The following TBC1D32 variants were observed in gnomAD, a reference collection of about 807,000 sequenced individuals.
TBC1D32 encodes the protein TBC1 domain family member 32, also known as protein broad-minded.
A neutral mutation model predicts 170.3 loss-of-function variants in TBC1D32; 151 were observed. The observed-to-expected ratio is 0.89, with a 90% CI of 0.78 to 1.01. The LOEUF is 1.01. TBC1D32 is among the 50% of genes least tolerant of loss of function. The pLI, the probability that TBC1D32 is intolerant of heterozygous loss-of-function variation, is 0.00. For synonymous variants in TBC1D32, 498 were observed against 488.0 expected (o/e 1.02, Z -0.27); for missense variants, 1,464 against 1,457.1 (o/e 1.00, Z -0.08).
chr6:121,334,254 A>G lies in TBC1D32; in HGVS notation c.155+22T>C, dbSNP rs189840241. ...CTCTGGATCGATGGTTTATAGGCTT[A>G]AAACATCAAAAGCAATTTTACTTGT... On this transcript the variant is annotated intron_variant, in intron 1 of 31. Coordinates refer to ENST00000398212, the MANE Select transcript of TBC1D32 (RefSeq NM_152730.6). 449 of 1,609,516 alleles carry G rather than the reference A, an allele frequency of 2.8e-4. 2 individuals carry two copies. In the African/African-American group the frequency reaches 5.6e-3, roughly 20 times the overall value.
chr6:121,096,418 C>G (rs1418289484), intron 30 of TBC1D32, among the ~76,000 whole-genome samples: 2 of 151,878 alleles, frequency 1.3e-5, no homozygotes, highest in African/African-American at 2.4e-5. Context: ...AAACAGAGAG[C>G]CAAATCATGA....
intron 22 of TBC1D32, among the ~76,000 whole-genome samples, chr6:121,171,245 T>TTA (rs1324418655): frequency 1.3e-5 from 2 of 150,928 alleles, no homozygotes; most frequent in Non-Finnish European, 3.0e-5. Context: ...ATCCTACACA[T>TTA]TATTATATAT....
intron 11 of TBC1D32, among the ~76,000 whole-genome samples, chr6:121,292,495 T>C (rs1805012409): frequency 6.6e-6 from 1 of 152,006 alleles, no homozygotes; most frequent in Non-Finnish European, 1.5e-5. Context: ...ACTTCAAAAG[T>C]AAGTTAAGGG....
intron 15 of TBC1D32, among the ~76,000 whole-genome samples, chr6:121,260,433 T>A (rs1799603836): frequency 6.6e-6 from 1 of 152,022 alleles, no homozygotes; most frequent in African/African-American, 2.4e-5. Context: ...AGCATTTGAA[T>A]CCTGCACTGG....
intron 17 of TBC1D32, among the ~76,000 whole-genome samples, chr6:121,249,027 A>G (rs1470457386): frequency 2.0e-5 from 3 of 151,844 alleles, no homozygotes; most frequent in East Asian, 1.9e-4. Flanking sequence ...TATCTCTGAT[A>G]AACACAGATG....
intron 24 of TBC1D32, among the ~76,000 whole-genome samples, chr6:121,151,767 G>A (rs960968336): frequency 4.6e-5 from 7 of 152,106 alleles, no homozygotes; most frequent in Non-Finnish European, 8.8e-5. Context: ...GCCCTTCATT[G>A]TCTTTTTTGA....
intron 1 of TBC1D32, among the ~76,000 whole-genome samples, chr6:121,330,013 T>A (rs1811000444): frequency 6.6e-6 from 1 of 152,150 alleles, no homozygotes; most frequent in South Asian, 2.1e-4. Flanking sequence ...TCCATACAGG[T>A]AAATCACCTT....
At chr6:121,280,727 G>A (rs370915330) in intron 14 of TBC1D32, among the ~76,000 whole-genome samples, 1 of 119,398 alleles carries the variant, frequency 8.4e-6, no homozygotes, top group Non-Finnish European at 1.7e-5. Flanking sequence ...AAGAAAGAAA[G>A]TAATTAGGGG....
At chr6:121,278,597 T>C (rs1237651942) in intron 15 of TBC1D32, among the ~76,000 whole-genome samples, 2 of 152,170 alleles carry the variant, frequency 1.3e-5, no homozygotes, top group African/African-American at 2.4e-5. Flanking sequence ...AAAAGTGTAA[T>C]GCAGACATTA....
chr6:121,280,724 AAAGT>A (rs146620021), intron 14 of TBC1D32, among the ~76,000 whole-genome samples: 17,545 of 151,766 alleles, frequency 0.12, 1,443 homozygotes, highest in Admixed American at 0.23. Flanking sequence ...TATAAGAAAG[AAAGT>A]AATTAGGGGA....
At chr6:121,280,393 G>C (rs976098132) in intron 14 of TBC1D32, among the ~76,000 whole-genome samples, 1 of 151,758 alleles carries the variant, frequency 6.6e-6, no homozygotes, top group Non-Finnish European at 1.5e-5. Context: ...ATATAGTAGA[G>C]GTTCAATGGT....
At chr6:121,271,288 A>T (rs1284492324) in intron 15 of TBC1D32, among the ~76,000 whole-genome samples, 3 of 152,148 alleles carry the variant, frequency 2.0e-5, no homozygotes, top group Non-Finnish European at 2.9e-5. Flanking sequence ...GAAAGAAATA[A>T]AGGGTATTCA....
rs67847088 is a variant in TBC1D32, at chr6:121,308,686, C to CTTTTTTTTTTTTT, written c.565-598_565-586dup. On this transcript the variant is annotated intron_variant, in intron 4 of 31. Transcript: ENST00000398212. ...CTGTATTTTCACAGAAAGCTTACTT[C>CTTTTTTTTTTTTT]TTTTTTTTTTTTTTTTTTTTGAGAC... 9.3e-3 allele frequency among the ~76,000 whole-genome samples: 1,049 copies of CTTTTTTTTTTTTT among 112,326 alleles called. 119 individuals carry two copies. Among genetic ancestry groups the CTTTTTTTTTTTTT allele is most frequent in the African/African-American group, 0.038 (968 of 25,662 alleles). 73.7% of individuals were successfully genotyped at this position (112,326 alleles called of 152,430 possible). A position where few individuals can be genotyped will look rare whatever the true frequency, so the allele number is the denominator to read the frequency against.
chr6:121,321,555 G>A (rs1295545086), intron 2 of TBC1D32, 78 bp downstream of exon 2: 2 of 1,357,014 alleles, frequency 1.5e-6, no homozygotes, highest in African/African-American at 1.5e-5. Context: ...AATAGACTGT[G>A]AGGGACAGAG....
intron 20 of TBC1D32, 51 bp from the exon 21 acceptor site, chr6:121,223,403 T>C (rs2128329193): frequency 8.2e-7 from 1 of 1,215,384 alleles, no homozygotes; most frequent in Non-Finnish European, 1.2e-6. Context: ...GTCAACCACA[T>C]CCATGGAGAG....
At chr6:121,214,927 G>C (rs936315964) in intron 21 of TBC1D32, among the ~76,000 whole-genome samples, 3 of 152,206 alleles carry the variant, frequency 2.0e-5, no homozygotes, top group African/African-American at 7.2e-5. Context: ...CAGGAGACCA[G>C]AAGTGGGTAA....
chr6:121,091,142 CT>C, intron 30 of TBC1D32, 101 bp from the exon 31 acceptor site: 4 of 938,386 alleles, frequency 4.3e-6, no homozygotes, highest in Non-Finnish European at 6.3e-6. Context: ...CAGTGAAAAG[CT>C]TAGGGCTTAA....
intron 16 of TBC1D32, 55 bp downstream of exon 16, chr6:121,256,029 T>C (rs1427456864): frequency 1.1e-5 from 16 of 1,450,318 alleles, no homozygotes; most frequent in Non-Finnish European, 1.5e-5. Context: ...ATAATGGTGC[T>C]TATATTTGAA....
intron 1 of TBC1D32, among the ~76,000 whole-genome samples, chr6:121,329,037 T>C (rs1369658761): frequency 1.3e-5 from 2 of 152,194 alleles, no homozygotes; most frequent in Non-Finnish European, 2.9e-5. Context: ...TCACCACACT[T>C]CAGAAGCAGC....
Sources: allele counts gnomAD v4.1 joint callset (sites outside exome capture counted in the v4.1 genomes callset), GRCh38; gene constraint gnomAD v4.1.1; transcripts MANE v1.5; gene names NCBI Gene and HGNC (gene_info 2026-07-23, HGNC 2026-07-21).